The following GAS7 variants were observed in gnomAD, a reference collection of about 807,000 sequenced individuals.
GAS7 encodes the protein growth arrest-specific protein 7.
Under a neutral mutation model 71.1 loss-of-function variants are expected in GAS7, and 28 were observed. The observed-to-expected ratio is 0.39, with a 90% CI of 0.29 to 0.54. GAS7 has a LOEUF of 0.54. Among genes scored for constraint, GAS7 ranks in the 20% least tolerant of loss-of-function variants. The pLI, the probability that GAS7 is intolerant of heterozygous loss-of-function variation, is 0.62. For missense variants in GAS7, 436 were observed against 627.8 expected, an observed-to-expected ratio of 0.69 and a Z score of 3.27; for synonymous variants, 258 against 245.8, an observed-to-expected ratio of 1.05 and a Z score of -0.46.
At chr17:9,930,951 T>C (rs1056809898) in intron 9 of GAS7, among the ~76,000 whole-genome samples, 1 of 152,224 alleles carries the variant, frequency 6.6e-6, no homozygotes. Flanking sequence ...GTCAACTGAA[T>C]GGTGAGGTCC....
At chr17:10,084,610 G>A (rs571251471) in intron 1 of GAS7, among the ~76,000 whole-genome samples, 1 of 152,234 alleles carries the variant, frequency 6.6e-6, no homozygotes, top group Admixed American at 6.5e-5. Flanking sequence ...GAGATTACAG[G>A]CACCTGCCAC....
chr17:10,018,036 A>G (rs2072112187), intron 2 of GAS7, among the ~76,000 whole-genome samples: 1 of 152,250 alleles, frequency 6.6e-6, no homozygotes, highest in South Asian at 2.1e-4. Flanking sequence ...GGATTACTAC[A>G]CAGCTGTTTA....
rs116880398 is a variant in GAS7 at position 9,990,986 on chromosome 17, C to T, written c.305-9102G>A. Among the ~76,000 whole-genome samples, 12 of 152,270 alleles carry T rather than the reference C, an allele frequency of 7.9e-5. No homozygotes were observed. The East Asian group carries it at 9.6e-4, about 12-fold the overall frequency. On this transcript the variant is annotated intron_variant, in intron 2 of 13. Transcript: ENST00000432992. ...GCCTCGGTTTCCCTGTTGTAAAGTACGGGATAGCAGTATAGGGGTCCCAGC... is the reference window on the plus strand; with the variant it reads ...GCCTCGGTTTCCCTGTTGTAAAGTATGGGATAGCAGTATAGGGGTCCCAGC...
At chr17:10,193,390 C>T (rs1418939232) in intron 1 of GAS7, among the ~76,000 whole-genome samples, 3 of 152,010 alleles carry the variant, frequency 2.0e-5, no homozygotes, top group African/African-American at 7.3e-5. Flanking sequence ...ACTAATGGAT[C>T]ATCTGTCCCA....
chr17:10,118,704 CAAAAAA>C (rs34461299), intron 1 of GAS7, among the ~76,000 whole-genome samples: 12 of 70,108 alleles, frequency 1.7e-4, no homozygotes, highest in Non-Finnish European at 2.6e-4. Flanking sequence ...ACTCTGTCTC[CAAAAAA>C]AAAAAAAAAA....
chr17:9,932,421 A>C (rs1465735017), intron 9 of GAS7, among the ~76,000 whole-genome samples: 1 of 152,078 alleles, frequency 6.6e-6, no homozygotes, highest in African/African-American at 2.4e-5. Flanking sequence ...TCTCGATCTC[A>C]TGATCTCATG....
chr17:10,176,397 A>G (rs893624988), intron 1 of GAS7, among the ~76,000 whole-genome samples: 13 of 152,138 alleles, frequency 8.5e-5, no homozygotes, highest in Non-Finnish European at 1.6e-4. Context: ...GTCTCTTAGC[A>G]CCGCTTGCAT....
At chr17:10,046,111 T>A (rs1310228263) in intron 1 of GAS7, among the ~76,000 whole-genome samples, 1 of 152,156 alleles carries the variant, frequency 6.6e-6, no homozygotes, top group African/African-American at 2.4e-5. Flanking sequence ...CCATGCAGCA[T>A]CCACAAAGTG....
At chr17:10,017,177 T>TAAAG (rs1024709642) in intron 2 of GAS7, among the ~76,000 whole-genome samples, 7 of 148,396 alleles carry the variant, frequency 4.7e-5, no homozygotes, top group East Asian at 2.0e-4. Context: ...AATAAATAAA[T>TAAAG]AAAGAGAGGA....
intron 2 of GAS7, among the ~76,000 whole-genome samples, chr17:9,984,779 A>G (rs897117099): frequency 3.3e-5 from 5 of 152,236 alleles, no homozygotes; most frequent in Admixed American, 6.5e-5. Context: ...CATCGGGCAC[A>G]TGGTATGTGC....
chr17:10,084,370 G>T (rs2073492657), intron 1 of GAS7, among the ~76,000 whole-genome samples: 1 of 152,096 alleles, frequency 6.6e-6, no homozygotes, highest in Admixed American at 6.5e-5. Flanking sequence ...AGATCAGCTG[G>T]TCCTGGCGTC....
chr17:10,043,366 AG>A (rs1435969020), intron 1 of GAS7, among the ~76,000 whole-genome samples: 1 of 152,088 alleles, frequency 6.6e-6, no homozygotes, highest in Non-Finnish European at 1.5e-5. Flanking sequence ...CCAAATGAAG[AG>A]GGGGGATACA....
chr17:10,054,898 C>T (rs2073115229), intron 1 of GAS7, among the ~76,000 whole-genome samples: 1 of 152,156 alleles, frequency 6.6e-6, no homozygotes, highest in African/African-American at 2.4e-5. Context: ...GACAAGATTC[C>T]TGAGGCAGAA....
intron 1 of GAS7, among the ~76,000 whole-genome samples, chr17:10,038,047 C>T (rs1192648438): frequency 6.6e-6 from 1 of 151,490 alleles, no homozygotes; most frequent in Non-Finnish European, 1.5e-5. Flanking sequence ...CCCATTAGGA[C>T]AGGTTCTTAA....
intron 2 of GAS7, among the ~76,000 whole-genome samples, chr17:9,996,306 C>G (rs1026384564): frequency 6.6e-6 from 1 of 151,338 alleles, no homozygotes; most frequent in Non-Finnish European, 1.5e-5. Context: ...TCATTCTCAG[C>G]AAACTATTGC....
At chr17:10,073,791 TG>T (rs2073364985) in intron 1 of GAS7, among the ~76,000 whole-genome samples, 2 of 152,220 alleles carry the variant, frequency 1.3e-5, no homozygotes, top group South Asian at 4.1e-4. Context: ...CATCTCACCC[TG>T]ACTTTTTTCT....
At chr17:9,990,856 T>C (rs2070814807) in intron 2 of GAS7, among the ~76,000 whole-genome samples, 1 of 152,212 alleles carries the variant, frequency 6.6e-6, no homozygotes, top group Non-Finnish European at 1.5e-5. Flanking sequence ...TGTGGTATAC[T>C]CTAAGGTCTG....
At chr17:10,128,775 G>A (rs994034738) in intron 1 of GAS7, among the ~76,000 whole-genome samples, 9 of 151,490 alleles carry the variant, frequency 5.9e-5, no homozygotes, top group Admixed American at 1.3e-4. Context: ...GCCCACCACC[G>A]CGCCCAGCTA....
intron 1 of GAS7, among the ~76,000 whole-genome samples, chr17:10,079,843 C>T (rs1031425205): frequency 1.8e-4 from 27 of 152,028 alleles, no homozygotes; most frequent in Non-Finnish European, 8.8e-5. Context: ...TTGACAACAT[C>T]AAATTTAAAG....
Sources: allele counts gnomAD v4.1 joint callset (sites outside exome capture counted in the v4.1 genomes callset), GRCh38; gene constraint gnomAD v4.1.1; transcripts MANE v1.5; gene names NCBI Gene and HGNC (gene_info 2026-07-23, HGNC 2026-07-21).